Variants in VPS33B observed in about 807,000 individuals in gnomAD.
The protein encoded by VPS33B is VPS33B late endosome and lysosome associated.
VPS33B carries 80 observed loss-of-function variants against 95.3 expected under a neutral mutation model. The ratio of observed to expected loss-of-function variants is 0.84; its 90% CI spans 0.70 to 1.01. The LOEUF is 1.01. VPS33B is among the 50% of genes least tolerant of loss of function. The probability of loss-of-function intolerance (pLI) is 0.00; values close to 1 mark genes in which losing one functional copy is unlikely to be tolerated. For missense variants in VPS33B, 715 were observed against 773.4 expected (o/e 0.92, Z 0.90); for synonymous variants, 280 against 280.4 (o/e 1.00, Z 0.01).
At chr15:91,014,261 T>C in intron 4 of VPS33B, 123 bp downstream of exon 4, 1 of 567,704 alleles carries the variant, frequency 1.8e-6, no homozygotes, top group Non-Finnish European at 3.3e-6. Flanking sequence ...GAAGCAGACA[T>C]CCTCCACAAG....
intron 2 of VPS33B, among the ~76,000 whole-genome samples, chr15:91,017,498 C>T (rs2040975761): frequency 6.7e-6 from 1 of 148,738 alleles, no homozygotes; most frequent in African/African-American, 2.5e-5. Flanking sequence ...TGGCACATGC[C>T]TGTGGTCCCA....
chr15:90,998,888 A>G lies in VPS33B; in HGVS notation c.*87T>C, dbSNP rs2040348013. The G allele has an allele frequency of 7.0e-7, 1 of 1,434,950 alleles. No individual in the cohort carries two copies. Among genetic ancestry groups the G allele is most frequent in the African/African-American group, 1.4e-5 (1 of 71,694 alleles). The allele number at this position is 1,434,950 out of a possible 1,614,324, so 88.9% of individuals were successfully genotyped here. ...GGCTCTTAGCAGGTAGTTGGTGGACACTTGGTTATAGCAGCTGGGTGCCAG... is the reference window on the plus strand; with the variant it reads ...GGCTCTTAGCAGGTAGTTGGTGGACGCTTGGTTATAGCAGCTGGGTGCCAG... On this transcript the variant is annotated 3_prime_UTR_variant, in exon 23 of 23. Coordinates refer to ENST00000333371, the MANE Select transcript of VPS33B (RefSeq NM_018668.5). The surrounding 1 kb of genome is among the most constrained non-coding windows in gnomAD (Gnocchi z 4.8).
Position 91,005,386 on chromosome 15 carries a change from C to CA in VPS33B, c.1098dup (p.Glu367Ter). On this transcript the variant is annotated frameshift_variant, in exon 14 of 23. Transcript: ENST00000333371. LOFTEE classifies it high-confidence loss of function. This position sits in a 1 kb window ranked among gnomAD's most constrained non-coding sequence, Gnocchi z 6.4. ...GCAAGGCTGCGGCAGTTACCATGCT[C>CA]AGTCTTGATTAGCTCCTGGAAATCC... 6.2e-7 allele frequency: 1 copy of CA among 1,614,134 alleles called. No individual in the cohort carries two copies. The highest frequency in any genetic ancestry group is 8.5e-7 in the Non-Finnish European group (1 of 1,180,026).
In VPS33B at chr15:91,009,101, A is replaced by T. The variant is rs76398696; in HGVS notation, c.403+700T>A. Among the ~76,000 whole-genome samples, 1 of 151,890 alleles carries T rather than the reference A, an allele frequency of 6.6e-6. No individual in the cohort carries two copies. The highest frequency in any genetic ancestry group is 1.5e-5 in the Non-Finnish European group (1 of 67,964). ...GTGATCAGGTTTGGGTTGTGTGGAG[A>T]ATAGCGGAGGAATACACAGAGGGGA... On this transcript the variant is annotated intron_variant, in intron 6 of 22. Coordinates refer to ENST00000333371, the MANE Select transcript of VPS33B (RefSeq NM_018668.5). This position sits in a 1 kb window ranked among gnomAD's most constrained non-coding sequence, Gnocchi z 4.1.
Position 91,022,345 on chromosome 15 carries a change from G to T in VPS33B, c.-96C>A. 1 of 1,303,694 alleles carries T rather than the reference G, an allele frequency of 7.7e-7. No homozygotes were observed. The highest frequency in any genetic ancestry group is 1.0e-6 in the Non-Finnish European group (1 of 962,844). The allele number at this position is 1,303,694 out of a possible 1,614,324, so 80.8% of individuals were successfully genotyped here. ...AAGCGCAAGGGGGGCTATCCTTCAG[G>T]CCTGGGCACCGACTTCCAGAGACCC... On this transcript the variant is annotated 5_prime_UTR_variant, in exon 1 of 23. Coordinates refer to ENST00000333371, the MANE Select transcript of VPS33B (RefSeq NM_018668.5).
intron 16 of VPS33B, among the ~76,000 whole-genome samples, chr15:91,004,209 C>A (rs1475601710): frequency 1.4e-5 from 2 of 142,756 alleles, no homozygotes; most frequent in Non-Finnish European, 3.0e-5. Context: ...GGCAACAGAG[C>A]AAGACTCTGT....
chr15:91,004,915 C>G lies in VPS33B; in HGVS notation c.1187G>C (p.Ser396Thr). 6.2e-7 allele frequency: 1 copy of G among 1,614,228 alleles called. No individual in the cohort carries two copies. The highest frequency in any genetic ancestry group is 8.5e-7 in the Non-Finnish European group (1 of 1,180,046). Reference sequence around the variant, plus strand: ...GGACAAAAGGCACATGAGGCGCAGGCTTTCTATAGGCGACACCTGCATAGG... The same window carrying G: ...GGACAAAAGGCACATGAGGCGCAGGGTTTCTATAGGCGACACCTGCATAGG... ...HIDRQVSPIE[S>T]LRLMCLLSIT... The change falls in exon 16 of 23, where the codon AGC (serine) becomes ACC (threonine). Residue 396 changes from serine (S) to threonine (T), a missense_variant. Ser to Thr is a moderately conservative substitution (Grantham distance 58). Coordinates refer to ENST00000333371, the MANE Select transcript of VPS33B (RefSeq NM_018668.5).
intron 18 of VPS33B, 56 bp from the exon 19 acceptor site, chr15:91,001,518 CCA>C: frequency 7.2e-7 from 1 of 1,388,154 alleles, no homozygotes; most frequent in South Asian, 1.2e-5. Flanking sequence ...CATGACACTG[CCA>C]CAGATAACAC....
intron 16 of VPS33B, among the ~76,000 whole-genome samples, chr15:91,004,246 GA>G (rs1273323317): frequency 1.4e-5 from 2 of 147,436 alleles, no homozygotes; most frequent in Non-Finnish European, 3.0e-5. Flanking sequence ...AGAAGAAAAA[GA>G]AAAAGAAGGC....
At chr15:91,017,363 ATTAAATATATAT>A (rs1567229489) in intron 2 of VPS33B, among the ~76,000 whole-genome samples, 1 of 31,436 alleles carries the variant, frequency 3.2e-5, no homozygotes. Flanking sequence ...TCTCTACAAA[ATTAAATATATAT>A]ATATATATAT....
At chr15:91,014,286 C>G (rs990099408) in intron 4 of VPS33B, 98 bp downstream of exon 4, 1 of 1,160,306 alleles carries the variant, frequency 8.6e-7, no homozygotes, top group Non-Finnish European at 1.3e-6. Flanking sequence ...ACGGCCAACT[C>G]AAACAATTAT....
In VPS33B at chr15:91,005,103, G is replaced by C; in HGVS notation, c.1122C>G (p.Phe374Leu). The change falls in exon 15 of 23, where the codon TTC (phenylalanine) becomes TTG (leucine). Residue 374 changes from phenylalanine (F) to leucine (L), a missense_variant. Coordinates refer to ENST00000333371, the MANE Select transcript of VPS33B (RefSeq NM_018668.5). This position sits in a 1 kb window ranked among gnomAD's most constrained non-coding sequence, Gnocchi z 6.4. ...IKTEHALLEG[F>L]NIRESTSYIE... The stretch of plus-strand genomic sequence containing the variant: ...TGTAGCTGGTGCTCTCCCGGATGTT[G>C]AACCCCTCTAGCAGTGCTGTGAGTA... 1 of 1,614,202 alleles carries C rather than the reference G, an allele frequency of 6.2e-7. No homozygotes were observed. Among genetic ancestry groups the C allele is most frequent in the South Asian group, 1.1e-5 (1 of 91,082 alleles).
rs750732495 is a variant in VPS33B, at chr15:91,011,125, G to A, written c.358-1279C>T. 9.8e-5 allele frequency among the ~76,000 whole-genome samples: 15 copies of A among 152,352 alleles called. No homozygotes were observed. Among genetic ancestry groups the A allele is most frequent in the Middle Eastern group, 6.8e-3 (2 of 294 alleles). ...TGGGGCCAAGAACTGGCATGGAACA[G>A]CTCATCTTAGGAGGGAAAAGGCCAC... On this transcript the variant is annotated intron_variant, in intron 5 of 22. Coordinates refer to ENST00000333371, the MANE Select transcript of VPS33B (RefSeq NM_018668.5). The surrounding 1 kb of genome is among the most constrained non-coding windows in gnomAD (Gnocchi z 5.5).
At position 91,008,014 on chromosome 15, in the gene VPS33B, C is replaced by G. The variant is rs751371400; in HGVS notation, c.404-50G>C. On this transcript the variant is annotated intron_variant, in intron 6 of 22. Transcript: ENST00000333371. ...TCCCTGCAGAAGGTACTTAGCTCCA[C>G]GTTAAGAGGGAAGGTCCGCCACAAA... 7 of 1,569,708 alleles carry G rather than the reference C, an allele frequency of 4.5e-6. No individual in the cohort carries two copies. In the East Asian group the frequency reaches 1.1e-4, roughly 25 times the overall value.
In VPS33B at chr15:91,006,135, G is replaced by A; in HGVS notation, c.853-76C>T. The A allele has an allele frequency of 6.6e-7, 1 of 1,517,036 alleles. No homozygotes were observed. The highest frequency in any genetic ancestry group is 9.1e-7 in the Non-Finnish European group (1 of 1,098,746). 94.0% of individuals were successfully genotyped at this position (1,517,036 alleles called of 1,614,324 possible). A position where few individuals can be genotyped will look rare whatever the true frequency, so the allele number is the denominator to read the frequency against. ...AGCAGTAGAATGACAGTACAGGAAGGGTACTCAGGTGTTCTGGCAGAAATA... is the reference window on the plus strand; with the variant it reads ...AGCAGTAGAATGACAGTACAGGAAGAGTACTCAGGTGTTCTGGCAGAAATA... On this transcript the variant is annotated intron_variant, in intron 11 of 22. Transcript: ENST00000333371. The surrounding 1 kb of genome is among the most constrained non-coding windows in gnomAD (Gnocchi z 5.4).
At position 91,017,904 on chromosome 15, in the gene VPS33B, G is replaced by A. The variant is rs2040989759; in HGVS notation, c.97-19C>T. The A allele has an allele frequency of 6.2e-7, 1 of 1,613,244 alleles. No homozygotes were observed. Among genetic ancestry groups the A allele is most frequent in the Non-Finnish European group, 8.5e-7 (1 of 1,179,254 alleles). Reference sequence around the variant, plus strand: ...CAGGAAGCTGAAGGAGACACAATATGTTGGGTCACTCACAGGTCACATGAG... The same window carrying A: ...CAGGAAGCTGAAGGAGACACAATATATTGGGTCACTCACAGGTCACATGAG... On this transcript the variant is annotated intron_variant, in intron 1 of 22. Coordinates refer to ENST00000333371, the MANE Select transcript of VPS33B (RefSeq NM_018668.5).
At position 91,011,994 on chromosome 15, in the gene VPS33B, A is replaced by G. The variant is rs2040795133; in HGVS notation, c.357+1810T>C. ...ACAGAGCAATGCACTGTCTCCAAAA[A>G]CAAAACAAAACAAAACAAAACAAAA... is the stretch of plus-strand genomic sequence containing the variant. On this transcript the variant is annotated intron_variant, in intron 5 of 22. Transcript: ENST00000333371. This position sits in a 1 kb window ranked among gnomAD's most constrained non-coding sequence, Gnocchi z 5.5. 8.1e-6 allele frequency among the ~76,000 whole-genome samples: 1 copy of G among 123,344 alleles called. No homozygotes were observed. The allele number at this position is 123,344 out of a possible 152,430, so 80.9% of individuals were successfully genotyped here.
Position 91,009,890 on chromosome 15 carries a change from G to A in VPS33B, c.358-44C>T, listed in dbSNP as rs1172615136. 3 of 1,609,778 alleles carry A rather than the reference G, an allele frequency of 1.9e-6. No individual in the cohort carries two copies. Among genetic ancestry groups the A allele is most frequent in the Non-Finnish European group, 2.6e-6 (3 of 1,176,296 alleles). On this transcript the variant is annotated intron_variant, in intron 5 of 22. Coordinates refer to ENST00000333371, the MANE Select transcript of VPS33B (RefSeq NM_018668.5). This position sits in a 1 kb window ranked among gnomAD's most constrained non-coding sequence, Gnocchi z 4.1. ...TTGATTAGTAACTACCTTCTTCTCT[G>A]TTCTCTCCATTTCTCTGGAGTTCCT...
Position 91,018,070 on chromosome 15 carries a change from T to C in VPS33B, c.97-185A>G, listed in dbSNP as rs755241657. ...ACACTTCTCTGTATATTTACCTATT[T>C]TGCCTTCTCGTTTTCTGTACCAGTG... On this transcript the variant is annotated intron_variant, in intron 1 of 22. Transcript: ENST00000333371. This position sits in a 1 kb window ranked among gnomAD's most constrained non-coding sequence, Gnocchi z 4.7. The C allele has an allele frequency of 3.9e-4, 246 of 634,004 alleles. No homozygotes were observed. The highest frequency in any genetic ancestry group is 4.8e-4 in the Non-Finnish European group (169 of 351,894). The allele number at this position is 634,004 out of a possible 1,614,324, so 39.3% of individuals were successfully genotyped here.
Sources: allele counts gnomAD v4.1 joint callset (sites outside exome capture counted in the v4.1 genomes callset), GRCh38; gene constraint gnomAD v4.1.1; non-coding constraint Gnocchi (gnomAD v3.1); transcripts MANE v1.5; gene names NCBI Gene and HGNC (gene_info 2026-07-23, HGNC 2026-07-21).